MAP2K6: variants seen among roughly 807,000 people sequenced by gnomAD.
MAP2K6 encodes the protein dual specificity mitogen-activated protein kinase kinase 6.
A neutral mutation model predicts 53.7 loss-of-function variants in MAP2K6; 16 were observed. That is an observed-to-expected ratio of 0.30 (90% confidence interval 0.20 to 0.45). The LOEUF is 0.45. Ranked by LOEUF, MAP2K6 falls within the 20% of genes least tolerant of loss-of-function variation. The pLI is 1.00. For missense variants in MAP2K6, 204 were observed against 411.9 expected, an observed-to-expected ratio of 0.50 and a Z score of 4.37; for synonymous variants, 132 against 143.1, an observed-to-expected ratio of 0.92 and a Z score of 0.55.
intron 1 of MAP2K6, among the ~76,000 whole-genome samples, chr17:69,495,975 G>A (rs1202881599): frequency 6.6e-6 from 1 of 151,956 alleles, no homozygotes; most frequent in African/African-American, 2.4e-5. Context: ...TTTTCCCTGG[G>A]CCTAGAACAT....
rs1447380996 is a variant in MAP2K6 at position 69,552,516 on chromosome 17, C to T, written c.*10763C>T. The T allele has an allele frequency of 6.6e-6, 1 of 152,114 alleles. No individual in the cohort carries two copies. Among genetic ancestry groups the T allele is most frequent in the African/African-American group, 2.4e-5 (1 of 41,430 alleles). 9.4% of individuals were successfully genotyped at this position (152,114 alleles called of 1,614,324 possible). Reference sequence around the variant, plus strand: ...GCAGGCTGAACTGTAGAGCATGAAACTCATTAGAAGTTTATAAAGTAAAGA... The same window carrying T: ...GCAGGCTGAACTGTAGAGCATGAAATTCATTAGAAGTTTATAAAGTAAAGA... On this transcript the variant is annotated 3_prime_UTR_variant, in exon 12 of 12. Coordinates refer to ENST00000590474, the MANE Select transcript of MAP2K6 (RefSeq NM_002758.4).
intron 1 of MAP2K6, among the ~76,000 whole-genome samples, chr17:69,472,009 T>A (rs963353660): frequency 6.6e-6 from 1 of 152,220 alleles, no homozygotes; most frequent in Non-Finnish European, 1.5e-5. Context: ...GAAAGTAGTC[T>A]GATACCACCC....
chr17:69,508,388 A>G (rs1457694481), intron 2 of MAP2K6, among the ~76,000 whole-genome samples: 1 of 151,982 alleles, frequency 6.6e-6, no homozygotes, highest in Non-Finnish European at 1.5e-5. Context: ...TTAATTTACA[A>G]TTTCTCTAGT....
chr17:69,448,508 G>A (rs1267848990), intron 1 of MAP2K6, among the ~76,000 whole-genome samples: 2 of 152,238 alleles, frequency 1.3e-5, no homozygotes, highest in South Asian at 4.1e-4. Context: ...CTTGCTGCTT[G>A]CTGCCGAGTC....
chr17:69,464,159 A>G (rs1219244234), intron 1 of MAP2K6, among the ~76,000 whole-genome samples: 1 of 151,834 alleles, frequency 6.6e-6, no homozygotes, highest in Non-Finnish European at 1.5e-5. Context: ...ATCTCAGCTC[A>G]CTGCTGCCTC....
In MAP2K6 at chr17:69,446,809, C is replaced by A. The variant is rs1373075431; in HGVS notation, c.16+31809C>A. On this transcript the variant is annotated intron_variant, in intron 1 of 11. Transcript: ENST00000590474. Reference sequence around the variant, plus strand: ...CCTTTTACAATTGCTGTGCTTTGAGCTTATTGCAGAATGGGTACTGGAAAA... The same window carrying A: ...CCTTTTACAATTGCTGTGCTTTGAGATTATTGCAGAATGGGTACTGGAAAA... 2.6e-5 allele frequency among the ~76,000 whole-genome samples: 4 copies of A among 151,656 alleles called. No homozygotes were observed. The East Asian group carries it at 7.7e-4, about 29-fold the overall frequency.
intron 11 of MAP2K6, among the ~76,000 whole-genome samples, chr17:69,536,998 C>G (rs1911393292): frequency 6.6e-6 from 1 of 152,184 alleles, no homozygotes; most frequent in African/African-American, 2.4e-5. Context: ...GGCAGGATCA[C>G]TTGAGCCCAG....
intron 1 of MAP2K6, among the ~76,000 whole-genome samples, chr17:69,496,274 C>CTTTTTT (rs10676734): frequency 7.1e-6 from 1 of 140,374 alleles, no homozygotes. Flanking sequence ...GCCTTCCCTT[C>CTTTTTT]TTTTTTTTTT....
At chr17:69,465,689 G>A (rs1261036169) in intron 1 of MAP2K6, among the ~76,000 whole-genome samples, 1 of 150,226 alleles carries the variant, frequency 6.7e-6, no homozygotes, top group Admixed American at 6.6e-5. Flanking sequence ...GTGCAATCTC[G>A]GCTCACTGCA....
intron 1 of MAP2K6, among the ~76,000 whole-genome samples, chr17:69,421,230 T>G (rs946218206): frequency 3.9e-5 from 6 of 152,246 alleles, no homozygotes; most frequent in Admixed American, 1.3e-4. Context: ...GTGCTTCTTC[T>G]TTGTTTGCAC....
chr17:69,505,133 G>GAA (rs371778595), intron 1 of MAP2K6, among the ~76,000 whole-genome samples: 2 of 144,428 alleles, frequency 1.4e-5, no homozygotes, highest in African/African-American at 5.1e-5. Flanking sequence ...TAGTGTAAAA[G>GAA]AAAAAAAAAA....
chr17:69,485,518 T>C, intron 1 of MAP2K6: 1 of 939,196 alleles, frequency 1.1e-6, no homozygotes. Context: ...GGGAACTCCT[T>C]TGCTGACCTA....
chr17:69,520,951 G>A lies in MAP2K6; in HGVS notation c.484-98G>A. On this transcript the variant is annotated intron_variant, in intron 6 of 11. Transcript: ENST00000590474. ...CCACTATTTGAGAAAATATCTCACT[G>A]GTAACCTAAAGCCAAGGATAATAAA... 4 of 905,588 alleles carry A rather than the reference G, an allele frequency of 4.4e-6. No homozygotes were observed. The Admixed American group carries it at 9.0e-5, about 20-fold the overall frequency. 56.1% of individuals were successfully genotyped at this position (905,588 alleles called of 1,614,324 possible).
chr17:69,526,249 T>A (rs1910763509), intron 9 of MAP2K6, among the ~76,000 whole-genome samples: 1 of 152,248 alleles, frequency 6.6e-6, no homozygotes, highest in Non-Finnish European at 1.5e-5. Flanking sequence ...TTTGAAATCC[T>A]CGTAGCTTTA....
chr17:69,474,683 A>G (rs1281181615), intron 1 of MAP2K6, among the ~76,000 whole-genome samples: 1 of 152,250 alleles, frequency 6.6e-6, no homozygotes, highest in Admixed American at 6.5e-5. Context: ...CAGCTGTTCC[A>G]GATGGTGGTA....
Position 69,541,185 on chromosome 17 carries a change from C to G in MAP2K6, c.928-491C>G, listed in dbSNP as rs183354982. On this transcript the variant is annotated intron_variant, in intron 11 of 11. Coordinates refer to ENST00000590474, the MANE Select transcript of MAP2K6 (RefSeq NM_002758.4). The stretch of plus-strand genomic sequence containing the variant: ...GGCTGAGGCAGGAGAATCACTTGAA[C>G]CCGGGAGGCAGAGTTTGCAGTGAGC... 3.0e-3 allele frequency among the ~76,000 whole-genome samples: 450 copies of G among 152,274 alleles called. 1 individual carries two copies. Among genetic ancestry groups the G allele is most frequent in the Non-Finnish European group, 4.8e-3 (324 of 68,012 alleles).
intron 1 of MAP2K6, among the ~76,000 whole-genome samples, chr17:69,503,012 A>C (rs1273649823): frequency 2.0e-5 from 3 of 152,220 alleles, no homozygotes; most frequent in Non-Finnish European, 2.9e-5. Flanking sequence ...TTAGAGGTAA[A>C]GAAGAGAAAG....
At chr17:69,440,012 T>C (rs1906766041) in intron 1 of MAP2K6, among the ~76,000 whole-genome samples, 1 of 152,148 alleles carries the variant, frequency 6.6e-6, no homozygotes, top group African/African-American at 2.4e-5. Context: ...CAAGGGCATA[T>C]AGTTGGAAAG....
intron 1 of MAP2K6, among the ~76,000 whole-genome samples, chr17:69,437,226 T>C (rs185766433): frequency 6.6e-6 from 1 of 152,362 alleles, no homozygotes; most frequent in East Asian, 1.9e-4. Context: ...ATATATTTTG[T>C]ATGTTATGTG....
Sources: allele counts gnomAD v4.1 joint callset (sites outside exome capture counted in the v4.1 genomes callset), GRCh38; gene constraint gnomAD v4.1.1; transcripts MANE v1.5; gene names NCBI Gene and HGNC (gene_info 2026-07-23, HGNC 2026-07-21).